Variants in HIPK3 observed in about 807,000 individuals in gnomAD.
HIPK3 encodes the protein homeodomain interacting protein kinase 3.
HIPK3 carries 47 observed loss-of-function variants against 124.2 expected under a neutral mutation model. The observed-to-expected ratio is 0.38, with a 90% confidence interval of 0.30 to 0.48. The LOEUF is 0.48. Ranked by LOEUF, HIPK3 falls within the 20% of genes least tolerant of loss-of-function variation. HIPK3 has a pLI of 0.98. For synonymous variants in HIPK3, 482 were observed against 515.2 expected (o/e 0.94, Z 0.87); for missense variants, 1,286 against 1,454.3 (o/e 0.88, Z 1.88).
chr11:33,303,462 TGG>T (rs1281093361), intron 2 of HIPK3, among the ~76,000 whole-genome samples: 2 of 152,168 alleles, frequency 1.3e-5, no homozygotes, highest in Admixed American at 6.5e-5. Flanking sequence ...ACTTTAGTGG[TGG>T]TTTTAAAATT....
At chr11:33,315,104 C>G (rs1475576901) in intron 2 of HIPK3, among the ~76,000 whole-genome samples, 1 of 152,178 alleles carries the variant, frequency 6.6e-6, no homozygotes, top group East Asian at 1.9e-4. Context: ...CAGATACATG[C>G]TACCTCAGTT....
intron 1 of HIPK3, chr11:33,258,560 G>T (rs1331307034): frequency 2.3e-5 from 23 of 985,352 alleles, no homozygotes; most frequent in Non-Finnish European, 2.8e-5. Flanking sequence ...CGCGCGGCGG[G>T]GCTGTTGCCG....
In HIPK3 at chr11:33,353,177, C is replaced by G; in HGVS notation, c.3257C>G (p.Thr1086Ser). 1.2e-6 allele frequency: 2 copies of G among 1,613,770 alleles called. No homozygotes were observed. The highest frequency in any genetic ancestry group is 1.7e-6 in the Non-Finnish European group (2 of 1,179,866). The part of the protein sequence containing the change: ...RQQAYIPTSV[T>S]SNPFTLSHGS... ...CAAGCTTATATTCCTACTAGTGTTA[C>G]CAGTAATCCATTCACTCTTTCTCAT... Residue 1086 changes from threonine (T) to serine (S), a missense_variant, in exon 17 of 17, where the codon ACC becomes AGC. Coordinates refer to ENST00000303296, the MANE Select transcript of HIPK3 (RefSeq NM_005734.5).
At chr11:33,312,000 C>CACACACCAT (rs1308906571) in intron 2 of HIPK3, among the ~76,000 whole-genome samples, 1 of 75,078 alleles carries the variant, frequency 1.3e-5, no homozygotes, top group African/African-American at 4.5e-5. Context: ...ACACACACCA[C>CACACACCAT]GAAAAAATAC....
Position 33,351,591 on chromosome 11 carries a change from A to G in HIPK3, c.2808-17A>G, listed in dbSNP as rs1455156618. On this transcript the variant is annotated splice_polypyrimidine_tract_variant and intron_variant, in intron 14 of 16. Coordinates refer to ENST00000303296, the MANE Select transcript of HIPK3 (RefSeq NM_005734.5). The stretch of plus-strand genomic sequence containing the variant: ...TGGAAAAAAATATCACTCATAAAAA[A>G]TGCTTTCTTTTTGTAGTATGTCAGA... 1 of 1,584,216 alleles carries G rather than the reference A, an allele frequency of 6.3e-7. No individual in the cohort carries two copies. The highest frequency in any genetic ancestry group is 1.3e-5 in the African/African-American group (1 of 74,194).
At chr11:33,315,750 G>A (rs1234503673) in intron 2 of HIPK3, among the ~76,000 whole-genome samples, 1 of 152,210 alleles carries the variant, frequency 6.6e-6, no homozygotes, top group East Asian at 1.9e-4. Context: ...GTATTGGGCT[G>A]TGAACTATAT....
chr11:33,268,911 G>GTA, intron 1 of HIPK3, among the ~76,000 whole-genome samples: 1 of 152,092 alleles, frequency 6.6e-6, no homozygotes, highest in Non-Finnish European at 1.5e-5. Flanking sequence ...CCTATTAGAA[G>GTA]TTAATATATA....
At position 33,289,290 on chromosome 11, in the gene HIPK3, A is replaced by G. The variant is rs1851635929; in HGVS notation, c.1097+1779A>G. 2.6e-5 allele frequency among the ~76,000 whole-genome samples: 4 copies of G among 152,096 alleles called. No homozygotes were observed. In the South Asian group the frequency reaches 8.3e-4, roughly 32 times the overall value. On this transcript the variant is annotated intron_variant, in intron 2 of 16. Coordinates refer to ENST00000303296, the MANE Select transcript of HIPK3 (RefSeq NM_005734.5). Reference sequence around the variant, plus strand: ...CCCTGCCTCTCCAAAAAAAGAAAAAAAATAATGAGCCAGGAATGTTGGTAA... The same window carrying G: ...CCCTGCCTCTCCAAAAAAAGAAAAAGAATAATGAGCCAGGAATGTTGGTAA...
intron 2 of HIPK3, among the ~76,000 whole-genome samples, chr11:33,297,129 T>C (rs937568422): frequency 7.2e-6 from 1 of 139,830 alleles, no homozygotes; most frequent in Admixed American, 7.9e-5. Flanking sequence ...TCTCTCACCC[T>C]GTTGCCTAGG....
chr11:33,341,175 G>A (rs112005152), intron 7 of HIPK3, 48 bp downstream of exon 7: 2 of 1,397,812 alleles, frequency 1.4e-6, no homozygotes, highest in Middle Eastern at 1.9e-4. Flanking sequence ...TTTAATGATT[G>A]CGCATTTTAC....
At chr11:33,348,917 T>A (rs1351653645) in intron 13 of HIPK3, 99 bp downstream of exon 13, 1 of 1,176,368 alleles carries the variant, frequency 8.5e-7, no homozygotes, top group Non-Finnish European at 1.2e-6. Flanking sequence ...GTCAATGTAC[T>A]CTGGAGTAAA....
chr11:33,335,621 G>A (rs1051174782), intron 3 of HIPK3: 2 of 151,946 alleles, frequency 1.3e-5, no homozygotes, highest in Non-Finnish European at 2.9e-5. Flanking sequence ...AGACGAGAGA[G>A]TTAAGTAGTT....
Position 33,355,130 on chromosome 11 carries a change from G to A in HIPK3, c.*1562G>A, listed in dbSNP as rs995687377. ...GCCACTTCAGATAGCTGTGAAATTAGGTGATTAACTAGTTGTTATTTAGCC... is the reference window on the plus strand; with the variant it reads ...GCCACTTCAGATAGCTGTGAAATTAAGTGATTAACTAGTTGTTATTTAGCC... On this transcript the variant is annotated 3_prime_UTR_variant, in exon 17 of 17. Coordinates refer to ENST00000303296, the MANE Select transcript of HIPK3 (RefSeq NM_005734.5). 2 of 152,008 alleles carry A rather than the reference G, an allele frequency of 1.3e-5. No individual in the cohort carries two copies. Among genetic ancestry groups the A allele is most frequent in the African/African-American group, 2.4e-5 (1 of 41,432 alleles). The allele number at this position is 152,008 out of a possible 1,614,324, so 9.4% of individuals were successfully genotyped here.
At chr11:33,328,117 T>G (rs1330816375) in intron 2 of HIPK3, among the ~76,000 whole-genome samples, 1 of 152,172 alleles carries the variant, frequency 6.6e-6, no homozygotes, top group Non-Finnish European at 1.5e-5. Flanking sequence ...GTTTTTGTTT[T>G]CTCTCTCAAT....
At chr11:33,261,770 T>G (rs1444005978) in intron 1 of HIPK3, among the ~76,000 whole-genome samples, 1 of 152,214 alleles carries the variant, frequency 6.6e-6, no homozygotes, top group Non-Finnish European at 1.5e-5. Context: ...GTAGTTCTGT[T>G]TTTAGCTCTT....
At chr11:33,338,430 C>A (rs977200588) in intron 4 of HIPK3, among the ~76,000 whole-genome samples, 2 of 152,178 alleles carry the variant, frequency 1.3e-5, no homozygotes, top group African/African-American at 4.8e-5. Flanking sequence ...GACGGGGTTT[C>A]ACCATGTTGA....
In HIPK3 at chr11:33,353,346, C is replaced by A; in HGVS notation, c.3426C>A (p.Thr1142=). ...CCCACCTGTTAGCCTCTCCGTGTACCTCAAGACCTATGTTACAGCATCCAA... is the reference window on the plus strand; with the variant it reads ...CCCACCTGTTAGCCTCTCCGTGTACATCAAGACCTATGTTACAGCATCCAA... ...PVAHLLASPC[T]SRPMLQHPTY... The change falls in exon 17 of 17, where the codon ACC becomes ACA. Residue 1142 remains threonine, a synonymous_variant. Transcript: ENST00000303296. 1 of 1,614,186 alleles carries A rather than the reference C, an allele frequency of 6.2e-7. No homozygotes were observed.
chr11:33,270,589 T>TG (rs1314635072), intron 1 of HIPK3, among the ~76,000 whole-genome samples: 6 of 152,106 alleles, frequency 3.9e-5, no homozygotes, highest in African/African-American at 1.2e-4. Flanking sequence ...TGAAAAAAAT[T>TG]GGAAAAAAAG....
At chr11:33,274,285 C>A (rs1208615712) in intron 1 of HIPK3, among the ~76,000 whole-genome samples, 1 of 151,966 alleles carries the variant, frequency 6.6e-6, no homozygotes, top group African/African-American at 2.4e-5. Context: ...TGACCTTTGC[C>A]TTCTTAATCT....
Sources: gnomAD v4.1 joint callset for allele counts (sites outside exome capture counted in the v4.1 genomes callset) on GRCh38, gnomAD v4.1.1 for gene constraint, MANE v1.5 for transcripts, NCBI Gene and HGNC (gene_info 2026-07-23, HGNC 2026-07-21) for gene names.